Variants in MACROD2 observed in about 807,000 individuals in gnomAD.
The protein encoded by MACROD2 is mono-ADP ribosylhydrolase 2.
A neutral mutation model predicts 70.4 loss-of-function variants in MACROD2; 36 were observed. The observed-to-expected ratio is 0.51, with a 90% CI of 0.39 to 0.68. MACROD2 has a LOEUF of 0.68. Ranked by LOEUF, MACROD2 falls within the 30% of genes least tolerant of loss-of-function variation. The probability of loss-of-function intolerance (pLI) is 0.00; values close to 1 mark genes in which losing one functional copy is unlikely to be tolerated. For synonymous variants in MACROD2, 172 were observed against 178.8 expected, an observed-to-expected ratio of 0.96 and a Z score of 0.30; for missense variants, 496 against 538.4, an observed-to-expected ratio of 0.92 and a Z score of 0.78.
At chr20:15,165,561 G>A (rs989644724) in intron 5 of MACROD2, among the ~76,000 whole-genome samples, 1 of 152,208 alleles carries the variant, frequency 6.6e-6, no homozygotes, top group African/African-American at 2.4e-5. Context: ...TAGAATTATT[G>A]TATCTGGTTT....
chr20:15,063,505 C>T lies in MACROD2; in HGVS notation c.419-166435C>T, dbSNP rs188527613. Among the ~76,000 whole-genome samples, 7 of 152,268 alleles carry T rather than the reference C, an allele frequency of 4.6e-5. No individual in the cohort carries two copies. In the East Asian group the frequency reaches 1.4e-3, roughly 29 times the overall value. On this transcript the variant is annotated intron_variant, in intron 5 of 17. Transcript: ENST00000684519. ...GCTGGGGGGAATCAGGCTCTTTGTC[C>T]TTTTAAACTTGGCTCATATTTTAAA...
At chr20:15,949,656 T>G (rs2065878437) in intron 12 of MACROD2, among the ~76,000 whole-genome samples, 1 of 152,190 alleles carries the variant, frequency 6.6e-6, no homozygotes, top group South Asian at 2.1e-4. Flanking sequence ...CATTGGTGCC[T>G]TCCATAGATT....
At chr20:16,006,464 C>T (rs2066789932) in intron 15 of MACROD2, among the ~76,000 whole-genome samples, 1 of 152,134 alleles carries the variant, frequency 6.6e-6, no homozygotes, top group African/African-American at 2.4e-5. Context: ...TGCACCCTAC[C>T]TTTGAGTGAT....
At chr20:15,917,336 G>C (rs2065334444) in intron 10 of MACROD2, among the ~76,000 whole-genome samples, 1 of 152,148 alleles carries the variant, frequency 6.6e-6, no homozygotes, top group Non-Finnish European at 1.5e-5. Flanking sequence ...GACTAATGTG[G>C]TACTGTCAGA....
chr20:15,267,776 G>A (rs374733623), intron 6 of MACROD2, among the ~76,000 whole-genome samples: 1 of 152,158 alleles, frequency 6.6e-6, no homozygotes, highest in Non-Finnish European at 1.5e-5. Context: ...ATGGGACGGG[G>A]CCTTGGGAAG....
At chr20:15,341,190 G>C (rs2078107015) in intron 6 of MACROD2, among the ~76,000 whole-genome samples, 1 of 152,112 alleles carries the variant, frequency 6.6e-6, no homozygotes, top group South Asian at 2.1e-4. Context: ...ACATAAAACG[G>C]TTAGAAAGTA....
At chr20:14,813,644 G>C (rs970866007) in intron 5 of MACROD2, among the ~76,000 whole-genome samples, 1 of 152,016 alleles carries the variant, frequency 6.6e-6, no homozygotes, top group East Asian at 1.9e-4. Flanking sequence ...GGTGCTCAGG[G>C]CAAGGCATGT....
intron 4 of MACROD2, among the ~76,000 whole-genome samples, chr20:14,529,776 G>T (rs2085279879): frequency 6.6e-6 from 1 of 152,182 alleles, no homozygotes; most frequent in Non-Finnish European, 1.5e-5. Context: ...AGTGGTACCT[G>T]CCACAGCACT....
intron 5 of MACROD2, among the ~76,000 whole-genome samples, chr20:14,701,139 T>C (rs1203550296): frequency 6.6e-6 from 1 of 152,096 alleles, no homozygotes; most frequent in East Asian, 1.9e-4. Context: ...ATCTTTGCAA[T>C]GGGCAAAACA....
chr20:14,262,937 G>A (rs1421241501), intron 3 of MACROD2, among the ~76,000 whole-genome samples: 4 of 152,178 alleles, frequency 2.6e-5, no homozygotes, highest in Non-Finnish European at 4.4e-5. Flanking sequence ...CTAGAATAAC[G>A]TAGGATTGAG....
At chr20:14,140,940 C>T (rs1277790858) in intron 3 of MACROD2, among the ~76,000 whole-genome samples, 1 of 152,188 alleles carries the variant, frequency 6.6e-6, no homozygotes, top group Non-Finnish European at 1.5e-5. Flanking sequence ...TTGGCAGTTA[C>T]TGTGATGAAG....
intron 5 of MACROD2, among the ~76,000 whole-genome samples, chr20:15,080,327 G>A (rs1022378954): frequency 2.0e-5 from 3 of 152,156 alleles, no homozygotes; most frequent in East Asian, 1.9e-4. Context: ...TAAAGTCAGC[G>A]ATGAGTTCCC....
rs570528707 is a variant in MACROD2, at chr20:15,544,164, G to A, written c.645+44317G>A. Among the ~76,000 whole-genome samples the A allele has an allele frequency of 3.9e-5, 6 of 152,282 alleles. No homozygotes were observed. The South Asian group carries it at 8.3e-4, about 21-fold the overall frequency. ...AGCCAAGGGGCCATCACCTCACAGCGTCTAGACTCTGGGAAACAGACTTTT... is the reference window on the plus strand; with the variant it reads ...AGCCAAGGGGCCATCACCTCACAGCATCTAGACTCTGGGAAACAGACTTTT... On this transcript the variant is annotated intron_variant, in intron 8 of 17. Coordinates refer to ENST00000684519, the MANE Select transcript of MACROD2 (RefSeq NM_001351661.2).
chr20:14,692,180 A>G (rs1013143652), intron 5 of MACROD2, among the ~76,000 whole-genome samples: 14 of 152,128 alleles, frequency 9.2e-5, no homozygotes, highest in African/African-American at 3.4e-4. Context: ...ACACCTACTG[A>G]TTCAGAAACC....
chr20:15,484,785 A>G (rs551120290), intron 7 of MACROD2, among the ~76,000 whole-genome samples: 107 of 152,298 alleles, frequency 7.0e-4, no homozygotes, highest in African/African-American at 2.4e-3. Flanking sequence ...TGGAGTTTCC[A>G]TCATTCAGAC....
At chr20:15,348,555 A>C (rs2078191914) in intron 6 of MACROD2, among the ~76,000 whole-genome samples, 1 of 152,206 alleles carries the variant, frequency 6.6e-6, no homozygotes, top group Non-Finnish European at 1.5e-5. Flanking sequence ...ACGTACTCAA[A>C]ACTGGGTAAT....
chr20:15,002,999 G>T (rs749561845), intron 5 of MACROD2, among the ~76,000 whole-genome samples: 6 of 152,056 alleles, frequency 3.9e-5, no homozygotes, highest in Non-Finnish European at 5.9e-5. Flanking sequence ...GATTAATTTT[G>T]TTACTTTCTA....
chr20:14,394,748 A>T (rs1430378529), intron 3 of MACROD2, among the ~76,000 whole-genome samples: 1 of 152,074 alleles, frequency 6.6e-6, no homozygotes. Context: ...AAATACATAA[A>T]ATGTGCCTAT....
At chr20:14,241,663 A>G (rs1209988217) in intron 3 of MACROD2, among the ~76,000 whole-genome samples, 1 of 152,158 alleles carries the variant, frequency 6.6e-6, no homozygotes, top group Non-Finnish European at 1.5e-5. Flanking sequence ...AAGTTAAGGA[A>G]GGCTTTCCTG....
Sources: gnomAD v4.1 joint callset for allele counts (sites outside exome capture counted in the v4.1 genomes callset) on GRCh38, gnomAD v4.1.1 for gene constraint, MANE v1.5 for transcripts, NCBI Gene and HGNC (gene_info 2026-07-23, HGNC 2026-07-21) for gene names.